TERF2: variants seen among roughly 807,000 people sequenced by gnomAD.
TERF2 encodes the protein telomeric repeat-binding factor 2.
In TERF2, 16 loss-of-function variants were observed where a neutral mutation model predicts 56.1. The ratio of observed to expected loss-of-function variants is 0.29; its 90% confidence interval spans 0.19 to 0.43. The LOEUF (loss-of-function observed/expected upper bound fraction) is 0.43, where lower values mean the gene tolerates loss of function less well. Ranked by LOEUF, TERF2 falls within the 20% of genes least tolerant of loss-of-function variation. The pLI is 1.00. For synonymous variants in TERF2, 296 were observed against 282.1 expected, an observed-to-expected ratio of 1.05 and a Z score of -0.50; for missense variants, 547 against 712.9, an observed-to-expected ratio of 0.77 and a Z score of 2.65.
rs34415214 is a variant in TERF2, at chr16:69,385,491, G to A, written c.380-5C>T. On this transcript the variant is annotated splice_region_variant and splice_polypyrimidine_tract_variant and intron_variant, in intron 1 of 9. Transcript: ENST00000254942. ...CCAAGGGCCTGACAAGCAAAGCTGGGAGAGAAGACATCGTTGGCTGGGCGA... is the reference window on the plus strand; with the variant it reads ...CCAAGGGCCTGACAAGCAAAGCTGGAAGAGAAGACATCGTTGGCTGGGCGA... The A allele has an allele frequency of 0.06, 96,969 of 1,613,890 alleles. 3,309 individuals carry two copies. Among genetic ancestry groups the A allele is most frequent in the South Asian group, 0.079 (7,163 of 91,074 alleles).
rs985598972 is a variant in TERF2 at position 69,368,708 on chromosome 16, GCT to G, written c.841-228_841-227del. The G allele has an allele frequency of 9.3e-6, 10 of 1,078,612 alleles. No homozygotes were observed. In the African/African-American group the frequency reaches 1.6e-4, roughly 17 times the overall value. The allele number at this position is 1,078,612 out of a possible 1,614,324, so 66.8% of individuals were successfully genotyped here. A position where few individuals can be genotyped will look rare whatever the true frequency, so the allele number is the denominator to read the frequency against. ...TACATTTTTTTTGAGAGGGAGTCTT[GCT>G]CTGTCGCCCAGGCTGCAGCACAGTG... On this transcript the variant is annotated intron_variant, in intron 5 of 9. Transcript: ENST00000254942.
intron 3 of TERF2, 109 bp from the exon 4 acceptor site, chr16:69,372,464 A>C: frequency 1.3e-6 from 1 of 758,744 alleles, no homozygotes; most frequent in Non-Finnish European, 2.1e-6. Flanking sequence ...TCTGTACTTA[A>C]AAACTAACAA....
intron 3 of TERF2, among the ~76,000 whole-genome samples, chr16:69,379,666 G>A (rs1397690621): frequency 6.6e-6 from 1 of 151,992 alleles, no homozygotes; most frequent in Non-Finnish European, 1.5e-5. Flanking sequence ...CACTGTATTA[G>A]AAACATAAAT....
chr16:69,382,553 A>G (rs2014043075), intron 3 of TERF2, among the ~76,000 whole-genome samples: 1 of 152,206 alleles, frequency 6.6e-6, no homozygotes, highest in African/African-American at 2.4e-5. Flanking sequence ...GGTGGAAGTG[A>G]TAATGTGTCA....
intron 3 of TERF2, among the ~76,000 whole-genome samples, chr16:69,376,474 T>C (rs1191634975): frequency 6.6e-6 from 1 of 152,186 alleles, no homozygotes; most frequent in East Asian, 1.9e-4. Context: ...AATTTTTCTT[T>C]CAATATAACA....
intron 3 of TERF2, among the ~76,000 whole-genome samples, chr16:69,374,006 G>A (rs2013674305): frequency 1.3e-5 from 2 of 152,182 alleles, no homozygotes; most frequent in Admixed American, 6.5e-5. Context: ...GGCAACTGAT[G>A]TCAAACGCCC....
chr16:69,372,531 G>A (rs750654488), intron 3 of TERF2, among the ~76,000 whole-genome samples, 176 bp from the exon 4 acceptor site: 1 of 152,186 alleles, frequency 6.6e-6, no homozygotes, highest in Non-Finnish European at 1.5e-5. Flanking sequence ...GGGAGGCCAA[G>A]GCGGGTGGAT....
At chr16:69,370,718 C>A in intron 4 of TERF2, 89 bp from the exon 5 acceptor site, 1 of 1,311,938 alleles carries the variant, frequency 7.6e-7, no homozygotes, top group East Asian at 2.3e-5. Context: ...ACTATGAGAA[C>A]TTCTGCAATG....
intron 8 of TERF2, among the ~76,000 whole-genome samples, chr16:69,357,868 AG>A: frequency 1.2e-5 from 1 of 84,278 alleles, no homozygotes; most frequent in Non-Finnish European, 2.3e-5. Context: ...TTTTTTTTTG[AG>A]ACGGAGTCTT....
In TERF2 at chr16:69,366,780, A is replaced by G. The variant is rs771552391; in HGVS notation, c.1340+27T>C. 6 of 1,575,750 alleles carry G rather than the reference A, an allele frequency of 3.8e-6. No individual in the cohort carries two copies. The South Asian group carries it at 4.6e-5, about 12-fold the overall frequency. ...CAACCAGGACCACCAACCAGCCCCA[A>G]AATTTCTACAAAGAAGGTCTTCATA... On this transcript the variant is annotated intron_variant, in intron 7 of 9. Transcript: ENST00000254942.
chr16:69,377,366 TC>T (rs1227243728), intron 3 of TERF2, among the ~76,000 whole-genome samples: 1 of 151,742 alleles, frequency 6.6e-6, no homozygotes, highest in Non-Finnish European at 1.5e-5. Context: ...TCTTGCTCTG[TC>T]ACCAGACTGG....
chr16:69,370,709 CTA>C, intron 4 of TERF2, 80 bp from the exon 5 acceptor site: 1 of 1,400,596 alleles, frequency 7.1e-7, no homozygotes, highest in African/African-American at 1.4e-5. Context: ...GAGACAGACA[CTA>C]TGAGAACTTC....
chr16:69,367,202 G>A lies in TERF2; in HGVS notation c.948-3C>T. The A allele has an allele frequency of 1.3e-6, 2 of 1,596,764 alleles. No individual in the cohort carries two copies. Among genetic ancestry groups the A allele is most frequent in the Non-Finnish European group, 1.7e-6 (2 of 1,168,688 alleles). On this transcript the variant is annotated splice_polypyrimidine_tract_variant and splice_region_variant and intron_variant, in intron 6 of 9. Coordinates refer to ENST00000254942, the MANE Select transcript of TERF2 (RefSeq NM_005652.5). ...TGGTTGGAGGATTCCGTAGCTGCCT[G>A]CAAATCAAGCATAGGCACAAAGATG...
intron 2 of TERF2, 38 bp from the exon 3 acceptor site, chr16:69,384,748 C>T (rs2014127183): frequency 6.5e-7 from 1 of 1,540,152 alleles, no homozygotes; most frequent in Non-Finnish European, 8.7e-7. Context: ...AAGCTCTTTT[C>T]TAAGGGTAAA....
chr16:69,383,216 T>TTG (rs2014068980), intron 3 of TERF2, among the ~76,000 whole-genome samples: 2 of 152,170 alleles, frequency 1.3e-5, no homozygotes, highest in Non-Finnish European at 2.9e-5. Flanking sequence ...AATGCTCCAA[T>TTG]GAGCATTTCC....
intron 3 of TERF2, among the ~76,000 whole-genome samples, chr16:69,383,653 T>C (rs1358028230): frequency 6.6e-6 from 1 of 152,252 alleles, no homozygotes; most frequent in African/African-American, 2.4e-5. Context: ...AAATAAAATA[T>C]GTGCACCTCA....
intron 3 of TERF2, among the ~76,000 whole-genome samples, chr16:69,379,345 G>T (rs2013910805): frequency 1.3e-5 from 2 of 152,210 alleles, no homozygotes; most frequent in Non-Finnish European, 2.9e-5. Flanking sequence ...CCCAAATGGG[G>T]TAAGGCCCTC....
intron 3 of TERF2, among the ~76,000 whole-genome samples, chr16:69,379,565 TTG>T (rs2013918614): frequency 6.6e-6 from 1 of 152,242 alleles, no homozygotes; most frequent in African/African-American, 2.4e-5. Flanking sequence ...TCTCAAATTT[TTG>T]GTCTCAGGAT....
chr16:69,367,743 C>T (rs1324159006), intron 6 of TERF2, among the ~76,000 whole-genome samples: 1 of 152,148 alleles, frequency 6.6e-6, no homozygotes, highest in Non-Finnish European at 1.5e-5. Context: ...CATCTGGCAG[C>T]CTGTCTTGTT....
Sources: gnomAD v4.1 joint callset for allele counts (sites outside exome capture counted in the v4.1 genomes callset) on GRCh38, gnomAD v4.1.1 for gene constraint, MANE v1.5 for transcripts, NCBI Gene and HGNC (gene_info 2026-07-23, HGNC 2026-07-21) for gene names.